The following FMN1 variants were observed in gnomAD, a reference collection of about 807,000 sequenced individuals.
FMN1 encodes formin-1.
A neutral mutation model predicts 132.4 loss-of-function variants in FMN1; 110 were observed. That is an observed-to-expected ratio of 0.83 (90% confidence interval 0.71 to 0.97). The LOEUF is 0.97. FMN1 is among the 50% of genes least tolerant of loss of function. FMN1 has a pLI of 0.00. For missense variants in FMN1, 1,792 were observed against 1,705.3 expected, an observed-to-expected ratio of 1.05 and a Z score of -0.90; for synonymous variants, 722 against 651.7, an observed-to-expected ratio of 1.11 and a Z score of -1.64.
At chr15:33,023,452 G>T (rs2035517635) in intron 6 of FMN1, among the ~76,000 whole-genome samples, 1 of 151,982 alleles carries the variant, frequency 6.6e-6, no homozygotes, top group South Asian at 2.1e-4. Flanking sequence ...ATAAAGGCAA[G>T]AATAATAATC....
In FMN1 at chr15:33,008,085, C is replaced by A. The variant is rs937857236; in HGVS notation, c.2162-10G>T. On this transcript the variant is annotated splice_polypyrimidine_tract_variant and intron_variant, in intron 6 of 20. Transcript: ENST00000616417. ...ATAGCAGCTTGGTATTCTGTAAAAT[C>A]AAAAAAGAGGCCAATTATAAAGAAG... 1 of 1,583,474 alleles carries A rather than the reference C, an allele frequency of 6.3e-7. No individual in the cohort carries two copies. The highest frequency in any genetic ancestry group is 8.6e-7 in the Non-Finnish European group (1 of 1,163,312).
chr15:33,152,088 T>G (rs908171156), intron 4 of FMN1, among the ~76,000 whole-genome samples: 1 of 152,204 alleles, frequency 6.6e-6, no homozygotes, highest in African/African-American at 2.4e-5. Flanking sequence ...TTAGGAGCTA[T>G]TCCCTAGAAA....
At chr15:33,180,908 G>A (rs529670248) in intron 2 of FMN1, among the ~76,000 whole-genome samples, 1 of 152,038 alleles carries the variant, frequency 6.6e-6, no homozygotes, top group African/African-American at 2.4e-5. Flanking sequence ...GTGCTACCAC[G>A]CTCAGCTAAT....
At chr15:32,853,758 T>A (rs2059062769) in intron 17 of FMN1, among the ~76,000 whole-genome samples, 1 of 152,238 alleles carries the variant, frequency 6.6e-6, no homozygotes, top group African/African-American at 2.4e-5. Flanking sequence ...GGTAACAGCC[T>A]GACCAAGTAG....
chr15:32,993,165 TATC>T, intron 7 of FMN1, among the ~76,000 whole-genome samples: 1 of 152,320 alleles, frequency 6.6e-6, no homozygotes, highest in African/African-American at 2.4e-5. Context: ...TTCAGAGAAA[TATC>T]ATTCCAATAC....
At chr15:32,856,933 G>C in intron 17 of FMN1, 82 bp downstream of exon 17, 1 of 973,096 alleles carries the variant, frequency 1.0e-6, no homozygotes, top group Non-Finnish European at 1.6e-6. Context: ...AGGATGCCAG[G>C]GGCCGTGGGC....
At chr15:32,865,746 G>C (rs1160200071) in intron 16 of FMN1, among the ~76,000 whole-genome samples, 2 of 151,486 alleles carry the variant, frequency 1.3e-5, no homozygotes, top group East Asian at 1.9e-4. Context: ...TGAGGCAGGA[G>C]AATCACCTGA....
chr15:33,118,716 A>C (rs1158952748), intron 4 of FMN1, among the ~76,000 whole-genome samples: 1 of 152,158 alleles, frequency 6.6e-6, no homozygotes, highest in African/African-American at 2.4e-5. Context: ...ATTAGATACA[A>C]ATATTTTCAC....
chr15:32,798,025 T>C (rs1326012671), intron 19 of FMN1, among the ~76,000 whole-genome samples: 2 of 152,218 alleles, frequency 1.3e-5, no homozygotes, highest in African/African-American at 4.8e-5. Flanking sequence ...GCCATTCTTA[T>C]ACATCTGTTC....
At chr15:32,845,202 G>T (rs141514276) in intron 17 of FMN1, among the ~76,000 whole-genome samples, 211 of 152,290 alleles carry the variant, frequency 1.4e-3, no homozygotes, top group Middle Eastern at 6.8e-3. Context: ...AGAATCCAAA[G>T]AGAAAGTGGT....
intron 4 of FMN1, among the ~76,000 whole-genome samples, chr15:33,109,492 T>C (rs2039614183): frequency 6.6e-6 from 1 of 152,066 alleles, no homozygotes; most frequent in African/African-American, 2.4e-5. Context: ...TATAACACCA[T>C]GGAATACTAC....
intron 4 of FMN1, among the ~76,000 whole-genome samples, chr15:33,119,249 C>T (rs1310982516): frequency 1.3e-5 from 2 of 152,142 alleles, no homozygotes; most frequent in African/African-American, 4.8e-5. Context: ...TCAAGCTTAC[C>T]TTCCTCTGGG....
chr15:32,813,639 C>G (rs971793708), intron 17 of FMN1, among the ~76,000 whole-genome samples: 17 of 152,220 alleles, frequency 1.1e-4, no homozygotes, highest in African/African-American at 3.4e-4. Flanking sequence ...TGCTGCACAA[C>G]TACCTGTATG....
chr15:33,081,623 T>C (rs1307794524), intron 5 of FMN1, among the ~76,000 whole-genome samples: 1 of 152,204 alleles, frequency 6.6e-6, no homozygotes, highest in Admixed American at 6.5e-5. Context: ...ATGTCTTTTG[T>C]TCTTAAACTA....
chr15:33,051,967 C>T (rs1272021534), intron 6 of FMN1, among the ~76,000 whole-genome samples: 1 of 152,200 alleles, frequency 6.6e-6, no homozygotes, highest in Non-Finnish European at 1.5e-5. Flanking sequence ...TTTTAATCAA[C>T]TTTCACTCCT....
intron 5 of FMN1, among the ~76,000 whole-genome samples, chr15:33,085,544 A>ATG (rs1410050567): frequency 1.3e-5 from 2 of 149,650 alleles, no homozygotes; most frequent in African/African-American, 4.9e-5. Flanking sequence ...TTATACATAT[A>ATG]TTAAAATTAT....
intron 6 of FMN1, among the ~76,000 whole-genome samples, chr15:33,010,615 A>G (rs563966232): frequency 6.6e-6 from 1 of 152,256 alleles, no homozygotes; most frequent in East Asian, 1.9e-4. Context: ...AAGACACAAA[A>G]TCTACATAGA....
At chr15:32,845,960 GA>G (rs59947437) in intron 17 of FMN1, among the ~76,000 whole-genome samples, 25,413 of 145,078 alleles carry the variant, frequency 0.18, 2,806 homozygotes, top group Admixed American at 0.27. Context: ...TTACAGACAA[GA>G]AAAAAAAAAA....
At chr15:33,157,201 G>T (rs377641948) in intron 3 of FMN1, among the ~76,000 whole-genome samples, 2 of 149,468 alleles carry the variant, frequency 1.3e-5, no homozygotes, top group African/African-American at 4.9e-5. Flanking sequence ...GGAGGCCAAG[G>T]TTGCAGTGAG....
Sources: gnomAD v4.1 joint callset for allele counts (sites outside exome capture counted in the v4.1 genomes callset) on GRCh38, gnomAD v4.1.1 for gene constraint, MANE v1.5 for transcripts, NCBI Gene and HGNC (gene_info 2026-07-23, HGNC 2026-07-21) for gene names.